Variants in ZNF516 observed in about 807,000 individuals in gnomAD.
The protein encoded by ZNF516 is zinc finger protein 516.
A neutral mutation model predicts 79.7 loss-of-function variants in ZNF516; 19 were observed. The observed-to-expected ratio is 0.24, with a 90% CI of 0.17 to 0.35. The LOEUF is 0.35. ZNF516 is among the 10% of genes least tolerant of loss of function. The pLI, the probability that ZNF516 is intolerant of heterozygous loss-of-function variation, is 1.00. For missense variants in ZNF516, 1,678 were observed against 1,679.5 expected (o/e 1.00, Z 0.02); for synonymous variants, 877 against 739.5 (o/e 1.19, Z -3.02).
intron 6 of ZNF516, among the ~76,000 whole-genome samples, chr18:76,369,613 T>C (rs1321285791): frequency 1.3e-5 from 2 of 152,138 alleles, no homozygotes; most frequent in African/African-American, 4.8e-5. Flanking sequence ...TTGAGATCCC[T>C]TGGAGGTCTT....
In ZNF516 at chr18:76,448,103, G is replaced by A. The variant is rs375208504; in HGVS notation, c.-157-4892C>T. The stretch of plus-strand genomic sequence containing the variant: ...TAAAAATACATTGTAACGGAGAAGG[G>A]GAGAGTCTGAAGAAAGGACAAAATA... On this transcript the variant is annotated intron_variant, in intron 2 of 6. Transcript: ENST00000443185. Among the ~76,000 whole-genome samples, 25 of 152,208 alleles carry A rather than the reference G, an allele frequency of 1.6e-4. No homozygotes were observed. The East Asian group carries it at 2.1e-3, about 13-fold the overall frequency.
At chr18:76,431,133 C>A (rs534237381) in intron 3 of ZNF516, among the ~76,000 whole-genome samples, 49 of 152,094 alleles carry the variant, frequency 3.2e-4, no homozygotes, top group Middle Eastern at 3.4e-3. Flanking sequence ...GCCGACAAAT[C>A]CCTCATGAAA....
intron 3 of ZNF516, chr18:76,388,630 G>A (rs555648407): frequency 6.6e-6 from 1 of 152,372 alleles, no homozygotes; most frequent in African/African-American, 2.4e-5. Context: ...ACTCAGAGAT[G>A]AGGGAGACCA....
chr18:76,491,290 G>GGCCCCA (rs1490006751), intron 1 of ZNF516, among the ~76,000 whole-genome samples: 4 of 30,592 alleles, frequency 1.3e-4, no homozygotes, highest in South Asian at 9.8e-4. Flanking sequence ...CCCCGGCCCC[G>GGCCCCA]GCCCCGGCCC....
intron 1 of ZNF516, among the ~76,000 whole-genome samples, chr18:76,476,813 C>T (rs1366071662): frequency 6.6e-6 from 1 of 152,208 alleles, no homozygotes; most frequent in Non-Finnish European, 1.5e-5. Context: ...ATAAATTTCA[C>T]ATGACTGGAT....
chr18:76,440,771 C>T (rs1213403872), intron 3 of ZNF516, among the ~76,000 whole-genome samples: 1 of 142,526 alleles, frequency 7.0e-6, no homozygotes, highest in African/African-American at 2.8e-5. Context: ...TGCGCGCACG[C>T]GCGCATGCAT....
At position 76,449,642 on chromosome 18, in the gene ZNF516, T is replaced by C. The variant is rs546969171; in HGVS notation, c.-157-6431A>G. ...TCTATTTTATCATACTCCAGTAAAA[T>C]TTAAATTAATGCATACAAGCCACAA... On this transcript the variant is annotated intron_variant, in intron 2 of 6. Transcript: ENST00000443185. 3.5e-4 allele frequency among the ~76,000 whole-genome samples: 53 copies of C among 152,208 alleles called. 1 individual carries two copies. The highest frequency in any genetic ancestry group is 7.2e-4 in the Non-Finnish European group (49 of 68,042).
intron 3 of ZNF516, among the ~76,000 whole-genome samples, chr18:76,401,608 C>A (rs1052284185): frequency 6.6e-6 from 1 of 151,778 alleles, no homozygotes; most frequent in Non-Finnish European, 1.5e-5. Flanking sequence ...TGGCAGAGCC[C>A]GCATGGGCCC....
At position 76,459,669 on chromosome 18, in the gene ZNF516, T is replaced by C. The variant is rs1489889709; in HGVS notation, c.-158+3359A>G. Among the ~76,000 whole-genome samples, 1 of 152,176 alleles carries C rather than the reference T, an allele frequency of 6.6e-6. No individual in the cohort carries two copies. Among genetic ancestry groups the C allele is most frequent in the Non-Finnish European group, 1.5e-5 (1 of 68,030 alleles). ...GTGGCCCAGCCTCCCCTGGACCTGA[T>C]GCGGGGCTTCAGGAAGTGGCAGGGC... On this transcript the variant is annotated intron_variant, in intron 2 of 6. Transcript: ENST00000443185. The surrounding 1 kb of genome is among the most constrained non-coding windows in gnomAD (Gnocchi z 5.0).
Position 76,377,752 on chromosome 18 carries a change from G to A in ZNF516, c.3259+1103C>T, listed in dbSNP as rs186538313. ...TTTTTTTGAGATGGAGTCTCACTCTGTCACCCAGGCTGGAGTGCAGTGGCA... is the reference window on the plus strand; with the variant it reads ...TTTTTTTGAGATGGAGTCTCACTCTATCACCCAGGCTGGAGTGCAGTGGCA... On this transcript the variant is annotated intron_variant, in intron 4 of 6. Transcript: ENST00000443185. Among the ~76,000 whole-genome samples the A allele has an allele frequency of 9.6e-4, 134 of 140,008 alleles. 1 individual carries two copies. Among genetic ancestry groups the A allele is most frequent in the African/African-American group, 3.3e-3 (124 of 37,678 alleles). 91.9% of individuals were successfully genotyped at this position (140,008 alleles called of 152,430 possible).
rs556107668 is a variant in ZNF516, at chr18:76,451,582, G to A, written c.-157-8371C>T. Among the ~76,000 whole-genome samples the A allele has an allele frequency of 1.3e-5, 2 of 152,338 alleles. No individual in the cohort carries two copies. The highest frequency in any genetic ancestry group is 1.9e-4 in the East Asian group (1 of 5,186). On this transcript the variant is annotated intron_variant, in intron 2 of 6. Transcript: ENST00000443185. The surrounding 1 kb of genome is among the most constrained non-coding windows in gnomAD (Gnocchi z 6.0). Reference sequence around the variant, plus strand: ...CTACGCTGGTGCGTTTCTGAAGGACGACTCTCAGACACGGTTGGTCCCGGC... The same window carrying A: ...CTACGCTGGTGCGTTTCTGAAGGACAACTCTCAGACACGGTTGGTCCCGGC...
intron 1 of ZNF516, among the ~76,000 whole-genome samples, chr18:76,485,179 C>A (rs559884434): frequency 1.3e-5 from 2 of 152,164 alleles, no homozygotes; most frequent in South Asian, 2.1e-4. Context: ...AACACAATAA[C>A]GTTAATTTAA....
chr18:76,369,423 A>C (rs1436530759), intron 6 of ZNF516, among the ~76,000 whole-genome samples: 2 of 147,344 alleles, frequency 1.4e-5, no homozygotes, highest in Non-Finnish European at 2.9e-5. Context: ...AAAAAAACAA[A>C]AACAAAAACA....
chr18:76,391,637 C>G (rs1383619200), intron 3 of ZNF516, among the ~76,000 whole-genome samples: 1 of 152,204 alleles, frequency 6.6e-6, no homozygotes, highest in Non-Finnish European at 1.5e-5. Context: ...GTGACTAGGA[C>G]AGGGGTCCCC....
intron 3 of ZNF516, among the ~76,000 whole-genome samples, chr18:76,431,926 T>C (rs2075666591): frequency 6.6e-6 from 1 of 152,214 alleles, no homozygotes; most frequent in African/African-American, 2.4e-5. Context: ...CAGTGCCCCA[T>C]GCATTCCGCC....
chr18:76,487,723 G>A lies in ZNF516; in HGVS notation c.-272+7421C>T, dbSNP rs117609297. 2.0e-4 allele frequency among the ~76,000 whole-genome samples: 30 copies of A among 152,106 alleles called. No individual in the cohort carries two copies. The East Asian group carries it at 5.6e-3, about 29-fold the overall frequency. On this transcript the variant is annotated intron_variant, in intron 1 of 6. Transcript: ENST00000443185. ...AGGGTGGTCTTAACTGAGGGCAGAGGTCATTCCTCTATCAAAGAGAATGTC... is the reference window on the plus strand; with the variant it reads ...AGGGTGGTCTTAACTGAGGGCAGAGATCATTCCTCTATCAAAGAGAATGTC...
In ZNF516 at chr18:76,442,074, G is replaced by C; in HGVS notation, c.981C>G (p.Ile327Met). Residue 327 changes from isoleucine (I) to methionine (M), a missense_variant, in exon 3 of 7, where the codon ATC becomes ATG. By Grantham distance (10) the Ile-to-Met change is conservative. Transcript: ENST00000443185. ...CCTCGTAGAGGCTCAGGCCGGCGAC[G>C]ATCACCTCCTCCTGGACCACGTTGT... ...TINNVVQEEV[I>M]VAGLSLYEVC... is the part of the protein sequence containing the mutation. 1 of 1,613,982 alleles carries C rather than the reference G, an allele frequency of 6.2e-7. No homozygotes were observed. Among genetic ancestry groups the C allele is most frequent in the South Asian group, 1.1e-5 (1 of 91,086 alleles).
intron 3 of ZNF516, among the ~76,000 whole-genome samples, chr18:76,406,195 C>T (rs927834333): frequency 1.3e-5 from 2 of 152,240 alleles, no homozygotes; most frequent in African/African-American, 4.8e-5. Flanking sequence ...ACCCTGACTT[C>T]TTCACCACCA....
At chr18:76,472,463 A>G (rs1449398788) in intron 1 of ZNF516, among the ~76,000 whole-genome samples, 2 of 152,224 alleles carry the variant, frequency 1.3e-5, no homozygotes, top group African/African-American at 4.8e-5. Flanking sequence ...ATATGCATGT[A>G]TGTGTGTATA....
Sources: allele counts gnomAD v4.1 joint callset (sites outside exome capture counted in the v4.1 genomes callset), GRCh38; gene constraint gnomAD v4.1.1; non-coding constraint Gnocchi (gnomAD v3.1); transcripts MANE v1.5; gene names NCBI Gene and HGNC (gene_info 2026-07-23, HGNC 2026-07-21).